NADK2: variants seen among roughly 807,000 people sequenced by gnomAD.
NADK2 encodes NAD kinase domain-containing protein 1, mitochondrial.
Under a neutral mutation model 62.1 loss-of-function variants are expected in NADK2, and 35 were observed. The ratio of observed to expected loss-of-function variants is 0.56; its 90% confidence interval spans 0.43 to 0.75. The LOEUF (loss-of-function observed/expected upper bound fraction) is 0.75. Among genes scored for constraint, NADK2 ranks in the 30% least tolerant of loss-of-function variants. The pLI, the probability that NADK2 is intolerant of heterozygous loss-of-function variation, is 0.00. For missense variants in NADK2, 439 were observed against 561.3 expected (o/e 0.78, Z 2.20); for synonymous variants, 205 against 207.9 (o/e 0.99, Z 0.12).
At chr5:36,229,563 G>A (rs1301790053) in intron 1 of NADK2, among the ~76,000 whole-genome samples, 1 of 151,556 alleles carries the variant, frequency 6.6e-6, no homozygotes, top group Non-Finnish European at 1.5e-5. Context: ...GACTAAAACG[G>A]CACTAACCAC....
chr5:36,238,258 G>A (rs2112209829), intron 1 of NADK2, among the ~76,000 whole-genome samples: 1 of 152,224 alleles, frequency 6.6e-6, no homozygotes, highest in Admixed American at 6.5e-5. Flanking sequence ...AAAATCTTCA[G>A]AAAACAAAAG....
At chr5:36,238,661 A>G (rs967998468) in intron 1 of NADK2, among the ~76,000 whole-genome samples, 3 of 152,222 alleles carry the variant, frequency 2.0e-5, no homozygotes, top group African/African-American at 7.2e-5. Flanking sequence ...GCCAACAGCT[A>G]CATCTCTTAA....
At chr5:36,227,171 C>T (rs1259148352) in intron 2 of NADK2, among the ~76,000 whole-genome samples, 1 of 152,116 alleles carries the variant, frequency 6.6e-6, no homozygotes, top group Non-Finnish European at 1.5e-5. Flanking sequence ...ATATAATCCA[C>T]TAGTCTGTTT....
rs529326577 is a variant in NADK2 at position 36,206,025 on chromosome 5, C to T, written c.956+1145G>A. On this transcript the variant is annotated intron_variant, in intron 8 of 11. Coordinates refer to ENST00000381937, the MANE Select transcript of NADK2 (RefSeq NM_001085411.3). ...GGATGAAGCTGGAAACCATCATTCT[C>T]AGCAAAATATCTCAAGGACAGAAAA... Among the ~76,000 whole-genome samples, 4 of 152,150 alleles carry T rather than the reference C, an allele frequency of 2.6e-5. No individual in the cohort carries two copies. The South Asian group carries it at 6.2e-4, about 24-fold the overall frequency.
At position 36,225,565 on chromosome 5, in the gene NADK2, T is replaced by A; in HGVS notation, c.537A>T (p.Ile179=). 6.2e-7 allele frequency: 1 copy of A among 1,613,816 alleles called. No individual in the cohort carries two copies. Among genetic ancestry groups the A allele is most frequent in the Non-Finnish European group, 8.5e-7 (1 of 1,179,784 alleles). Residue 179 remains isoleucine, a synonymous_variant, in exon 4 of 12, where the codon ATA becomes ATT. Transcript: ENST00000381937. ...SKVLDRLKPV[I]GVNTDPERSE... ...ACCGTTCTGGATCAGTGTTTACCCC[T>A]ATAACTGGTTTAAGTCTGTCCAAGA...
intron 5 of NADK2, 49 bp downstream of exon 5, chr5:36,219,547 A>G (rs772653608): frequency 1.4e-6 from 2 of 1,478,320 alleles, no homozygotes; most frequent in Non-Finnish European, 1.9e-6. Flanking sequence ...TATTAATGGC[A>G]CATACTTATT....
At chr5:36,213,942 A>G (rs2112117969) in intron 6 of NADK2, among the ~76,000 whole-genome samples, 1 of 151,556 alleles carries the variant, frequency 6.6e-6, no homozygotes, top group Non-Finnish European at 1.5e-5. Context: ...CTCTATTCCC[A>G]TTTTCCCTCA....
chr5:36,205,924 A>C lies in NADK2; in HGVS notation c.956+1246T>G, dbSNP rs1379302365. On this transcript the variant is annotated intron_variant, in intron 8 of 11. Transcript: ENST00000381937. This position sits in a 1 kb window ranked among gnomAD's most constrained non-coding sequence, Gnocchi z 4.1. ...TCCACCAATAACAGACTGGATAAAGAAAATGTGGCACATATATACCATGGA... is the reference window on the plus strand; with the variant it reads ...TCCACCAATAACAGACTGGATAAAGCAAATGTGGCACATATATACCATGGA... Among the ~76,000 whole-genome samples the C allele has an allele frequency of 6.6e-6, 1 of 152,192 alleles. No homozygotes were observed. Among genetic ancestry groups the C allele is most frequent in the African/African-American group, 2.4e-5 (1 of 41,446 alleles).
chr5:36,203,619 T>C (rs1380498735), intron 8 of NADK2, among the ~76,000 whole-genome samples: 1 of 152,092 alleles, frequency 6.6e-6, no homozygotes, highest in Non-Finnish European at 1.5e-5. Flanking sequence ...GATTTTAATC[T>C]AACCCATACT....
intron 6 of NADK2, among the ~76,000 whole-genome samples, chr5:36,214,493 T>C (rs1197540017): frequency 6.6e-6 from 1 of 152,188 alleles, no homozygotes; most frequent in Non-Finnish European, 1.5e-5. Flanking sequence ...GATTACTTTT[T>C]TATCCAAGAG....
intron 7 of NADK2, chr5:36,208,773 A>G: frequency 1.1e-6 from 1 of 890,144 alleles, no homozygotes; most frequent in Non-Finnish European, 1.7e-6. Flanking sequence ...TAAATGAGGC[A>G]GGAATAATAT....
chr5:36,241,614 G>A lies in NADK2; in HGVS notation c.185C>T (p.Ala62Val). The part of the protein sequence containing the change: ...PRELAGCGSR[A>V]DGGFRPSRVV... ...CCGGGAGGGGCGGAAGCCGCCGTCC[G>A]CGCGGCTGCCACAGCCCGCCAGCTC... The change falls in exon 1 of 12, where the codon GCG (alanine) becomes GTG (valine). Residue 62 changes from alanine (A) to valine (V), a missense_variant. Coordinates refer to ENST00000381937, the MANE Select transcript of NADK2 (RefSeq NM_001085411.3). This position sits in a 1 kb window ranked among gnomAD's most constrained non-coding sequence, Gnocchi z 4.9. 3 of 1,490,022 alleles carry A rather than the reference G, an allele frequency of 2.0e-6. No individual in the cohort carries two copies. Among genetic ancestry groups the A allele is most frequent in the Non-Finnish European group, 2.7e-6 (3 of 1,127,652 alleles). The allele number at this position is 1,490,022 out of a possible 1,614,324, so 92.3% of individuals were successfully genotyped here. A position where few individuals can be genotyped will look rare whatever the true frequency, so the allele number is the denominator to read the frequency against.
intron 1 of NADK2, among the ~76,000 whole-genome samples, chr5:36,237,587 ATAAAT>A (rs1468016990): frequency 1.3e-5 from 2 of 152,230 alleles, no homozygotes; most frequent in Non-Finnish European, 2.9e-5. Flanking sequence ...CTACTGATCC[ATAAAT>A]TAAACTAAAT....
In NADK2 at chr5:36,207,233, C is replaced by T. The variant is rs1324916317; in HGVS notation, c.893G>A (p.Gly298Asp). Residue 298 changes from glycine to aspartate, a missense_variant, in exon 8 of 12, where the codon GGT becomes GAT. Gly to Asp is a moderately conservative substitution (Grantham distance 94, BLOSUM62 -1). Transcript: ENST00000381937. ...TGAACTCTTCTGTTTTTCCCATGGACCATCATCAACTGAAATCTCATAGTA... is the reference window on the plus strand; with the variant it reads ...TGAACTCTTCTGTTTTTCCCATGGATCATCATCAACTGAAATCTCATAGTA... The part of the protein sequence containing the change: ...ASYYEISVDD[G>D]PWEKQKSSGL... 1.2e-6 allele frequency: 2 copies of T among 1,612,754 alleles called. No individual in the cohort carries two copies. The highest frequency in any genetic ancestry group is 1.7e-6 in the Non-Finnish European group (2 of 1,179,272).
intron 1 of NADK2, among the ~76,000 whole-genome samples, chr5:36,229,606 T>A (rs1410734180): frequency 6.6e-6 from 1 of 151,790 alleles, no homozygotes; most frequent in Non-Finnish European, 1.5e-5. Context: ...ACCCTCTCCC[T>A]TGGCAATCTC....
chr5:36,215,272 T>G (rs978160231), intron 6 of NADK2, among the ~76,000 whole-genome samples: 1 of 152,230 alleles, frequency 6.6e-6, no homozygotes, highest in African/African-American at 2.4e-5. Flanking sequence ...CAAAGACTCT[T>G]GCCTAAGTTT....
chr5:36,242,023 A>AG (rs1748161612), upstream of NADK2: 1 of 243,222 alleles, frequency 4.1e-6, no homozygotes, highest in South Asian at 1.7e-4. Flanking sequence ...CCCACGCGGG[A>AG]GAAAGGTGGG....
At chr5:36,222,905 G>GA (rs1371371390) in intron 4 of NADK2, among the ~76,000 whole-genome samples, 5 of 152,146 alleles carry the variant, frequency 3.3e-5, no homozygotes, top group African/African-American at 1.2e-4. Flanking sequence ...TGGGAGAGAG[G>GA]AAAGGAGAGT....
chr5:36,230,370 G>A (rs1445663865), intron 1 of NADK2, among the ~76,000 whole-genome samples: 1 of 152,216 alleles, frequency 6.6e-6, no homozygotes, highest in African/African-American at 2.4e-5. Context: ...TGCTAGTGCT[G>A]CCCTTGCAGC....
Sources: allele counts gnomAD v4.1 joint callset (sites outside exome capture counted in the v4.1 genomes callset), GRCh38; gene constraint gnomAD v4.1.1; non-coding constraint Gnocchi (gnomAD v3.1); transcripts MANE v1.5; gene names NCBI Gene and HGNC (gene_info 2026-07-23, HGNC 2026-07-21).